The following DDX25 variants were observed in gnomAD, a reference collection of about 807,000 sequenced individuals.
DDX25 encodes ATP-dependent RNA helicase DDX25.
A neutral mutation model predicts 64.6 loss-of-function variants in DDX25; 70 were observed. That is an observed-to-expected ratio of 1.08 (90% confidence interval 0.89 to 1.32). DDX25 has a LOEUF of 1.32. Ranked by LOEUF, DDX25 falls within the 40% of genes most tolerant of loss-of-function variation. DDX25 has a pLI of 0.00. For synonymous variants in DDX25, 211 were observed against 213.3 expected (o/e 0.99, Z 0.09); for missense variants, 587 against 604.4 (o/e 0.97, Z 0.30).
chr11:125,905,973 A>C, intron 3 of DDX25, 101 bp from the exon 4 acceptor site: 1 of 1,375,524 alleles, frequency 7.3e-7, no homozygotes, highest in Non-Finnish European at 9.6e-7. Context: ...AAATGAGCGT[A>C]GGTGCAATTG....
At chr11:125,905,064 G>T in intron 1 of DDX25, 148 bp from the exon 2 acceptor site, 1 of 691,842 alleles carries the variant, frequency 1.4e-6, no homozygotes, top group East Asian at 2.8e-5. Context: ...ACCCAACCTT[G>T]AAAGGAATCT....
rs1388225105 is a variant in DDX25, at chr11:125,920,907, CACACACACACAT to C, written c.1202-272_1202-261del. On this transcript the variant is annotated intron_variant, in intron 10 of 11. Transcript: ENST00000263576. Reference sequence around the variant, plus strand: ...GGGCTTGGTGAGGGCACCTCTCCACCACACACACACATACACACACACACACACACACACACA... The same window carrying C: ...GGGCTTGGTGAGGGCACCTCTCCACCACACACACACACACACACACACACA... The C allele has an allele frequency of 2.6e-3, 650 of 246,464 alleles. 3 individuals are homozygous for C. Among genetic ancestry groups the C allele is most frequent in the African/African-American group, 0.016 (592 of 35,882 alleles). The allele number at this position is 246,464 out of a possible 1,614,324, so 15.3% of individuals were successfully genotyped here.
chr11:125,921,125 G>A lies in DDX25; in HGVS notation c.1202-66G>A. ...AAATAGGAATTCCCTTGGCAGACGT[G>A]GTACTTGAATGGCCCGTGTACTGAG... is the stretch of plus-strand genomic sequence containing the variant. On this transcript the variant is annotated intron_variant, in intron 10 of 11. Transcript: ENST00000263576. The surrounding 1 kb of genome is among the most constrained non-coding windows in gnomAD (Gnocchi z 4.1). 1.5e-5 allele frequency: 21 copies of A among 1,436,116 alleles called. No individual in the cohort carries two copies. The highest frequency in any genetic ancestry group is 1.9e-5 in the Non-Finnish European group (20 of 1,075,096). 89.0% of individuals were successfully genotyped at this position (1,436,116 alleles called of 1,614,324 possible). A position where few individuals can be genotyped will look rare whatever the true frequency, so the allele number is the denominator to read the frequency against.
chr11:125,907,390 C>T (rs531402386), intron 4 of DDX25, among the ~76,000 whole-genome samples: 102 of 152,128 alleles, frequency 6.7e-4, no homozygotes, highest in East Asian at 2.5e-3. Flanking sequence ...GGGCGGATCA[C>T]GAGGTCAGGA....
rs1945114706 is a variant in DDX25, at chr11:125,921,446, G to A, written c.1390+67G>A. On this transcript the variant is annotated intron_variant, in intron 11 of 11. Transcript: ENST00000263576. This position sits in a 1 kb window ranked among gnomAD's most constrained non-coding sequence, Gnocchi z 4.1. ...GGTCTGACAGTGATGATGTGTGCTG[G>A]AGAGCTGGAGTCCAGGGGCTCATGA... The A allele has an allele frequency of 1.6e-5, 24 of 1,536,306 alleles. No homozygotes were observed. Among genetic ancestry groups the A allele is most frequent in the Non-Finnish European group, 1.9e-5 (22 of 1,138,334 alleles).
Position 125,925,433 on chromosome 11 carries a change from A to G in DDX25, c.*2552A>G, listed in dbSNP as rs1268187615. 8.8e-6 allele frequency: 4 copies of G among 456,156 alleles called. No homozygotes were observed. The highest frequency in any genetic ancestry group is 1.3e-5 in the Non-Finnish European group (3 of 226,980). The allele number at this position is 456,156 out of a possible 1,614,324, so 28.3% of individuals were successfully genotyped here. On this transcript the variant is annotated 3_prime_UTR_variant, in exon 12 of 12. Coordinates refer to ENST00000263576, the MANE Select transcript of DDX25 (RefSeq NM_013264.5). ...AACTGGCTAGTTTGGTGAGTCAACA[A>G]TCCAAAGGCTGTTTTTTGCAGGGTG...
chr11:125,921,036 C>A lies in DDX25; in HGVS notation c.1202-155C>A. 1.4e-6 allele frequency: 1 copy of A among 717,538 alleles called. No individual in the cohort carries two copies. Among genetic ancestry groups the A allele is most frequent in the Non-Finnish European group, 2.2e-6 (1 of 448,580 alleles). 44.4% of individuals were successfully genotyped at this position (717,538 alleles called of 1,614,324 possible). ...ATAGACATCACAGCATGCAAGCAAA[C>A]TTCCTAACCAAAGTACCTGTCTCAA... On this transcript the variant is annotated intron_variant, in intron 10 of 11. Coordinates refer to ENST00000263576, the MANE Select transcript of DDX25 (RefSeq NM_013264.5). This position sits in a 1 kb window ranked among gnomAD's most constrained non-coding sequence, Gnocchi z 4.1.
chr11:125,903,417 A>G (rs1372332882), upstream of DDX25: 1 of 159,320 alleles, frequency 6.3e-6, no homozygotes. Context: ...CTACGCTAAA[A>G]TAATAGAAAA....
intron 8 of DDX25, among the ~76,000 whole-genome samples, chr11:125,916,523 C>T (rs1945038948): frequency 6.6e-6 from 1 of 152,184 alleles, no homozygotes; most frequent in Non-Finnish European, 1.5e-5. Flanking sequence ...ACATTTCAGT[C>T]ACTGTACTTT....
At chr11:125,910,263 T>G (rs1944948672) in intron 6 of DDX25, 101 bp from the exon 7 acceptor site, 1 of 902,856 alleles carries the variant, frequency 1.1e-6, no homozygotes, top group Admixed American at 2.3e-5. Flanking sequence ...ACCTTCAATT[T>G]CCTTTCTGTG....
chr11:125,907,428 G>A (rs1944905096), intron 4 of DDX25, among the ~76,000 whole-genome samples: 1 of 151,836 alleles, frequency 6.6e-6, no homozygotes, highest in African/African-American at 2.4e-5. Flanking sequence ...CTAACACAGT[G>A]AAACCCCGTC....
At chr11:125,920,470 G>A (rs1945096253) in intron 10 of DDX25, among the ~76,000 whole-genome samples, 1 of 152,066 alleles carries the variant, frequency 6.6e-6, no homozygotes, top group African/African-American at 2.4e-5. Context: ...TGCAGGAAGG[G>A]TAGCAGTTCA....
At chr11:125,904,711 C>G (rs1004740133) in intron 1 of DDX25, 131 bp downstream of exon 1, 8 of 1,108,432 alleles carry the variant, frequency 7.2e-6, no homozygotes, top group Non-Finnish European at 1.0e-5. Flanking sequence ...AGGGGAGATG[C>G]GGGAAGGGTT....
chr11:125,908,240 G>A lies in DDX25; in HGVS notation c.356G>A (p.Arg119Lys), dbSNP rs559784018. The change falls in exon 5 of 12, where the codon AGG becomes AAG. Residue 119 changes from arginine (R) to lysine (K), a missense_variant. Physicochemically the swap from Arg to Lys is conservative, Grantham distance 26. Transcript: ENST00000263576. ...GGAATCTATGCAATGGGATTTAATA[G>A]GCCATCTAAAATCCAAGAGATGGCT... ...LKGIYAMGFN[R>K]PSKIQEMALP... 2.5e-6 allele frequency: 4 copies of A among 1,612,842 alleles called. No individual in the cohort carries two copies. Among genetic ancestry groups the A allele is most frequent in the East Asian group, 2.2e-5 (1 of 44,864 alleles).
At chr11:125,919,822 A>T (rs938578405) in intron 10 of DDX25, among the ~76,000 whole-genome samples, 10 of 152,204 alleles carry the variant, frequency 6.6e-5, no homozygotes, top group East Asian at 3.9e-4. Context: ...TTCTGCAGTG[A>T]TGGAAATGTT....
chr11:125,905,601 G>T lies in DDX25; in HGVS notation c.175+4G>T. The T allele has an allele frequency of 6.4e-7, 1 of 1,551,268 alleles. No homozygotes were observed. On this transcript the variant is annotated splice_donor_region_variant and intron_variant, in intron 3 of 11. Coordinates refer to ENST00000263576, the MANE Select transcript of DDX25 (RefSeq NM_013264.5). ...GAAGATGATGAAGAAGATGTAGGTA[G>T]GAGATGAATTCATTTGCATGTATCT...
chr11:125,922,706 T>A, intron 11 of DDX25, 114 bp from the exon 12 acceptor site: 1 of 932,780 alleles, frequency 1.1e-6, no homozygotes, highest in Non-Finnish European at 1.6e-6. Context: ...CTTCCTTATG[T>A]TCCTATACCA....
chr11:125,915,287 A>G (rs950419890), intron 8 of DDX25, among the ~76,000 whole-genome samples: 1 of 152,250 alleles, frequency 6.6e-6, no homozygotes, highest in African/African-American at 2.4e-5. Flanking sequence ...AGCCACATGT[A>G]TAATTTTAAA....
chr11:125,910,373 C>T lies in DDX25; in HGVS notation c.517C>T (p.Leu173=). ...ALELFPQCLC[L]APTYELALQT... ...TCTCTCTATCCCACAGTGCCTCTGC[C>T]TAGCTCCTACTTATGAATTGGCTCT... The change falls in exon 7 of 12, where the codon CTA becomes TTA. Residue 173 remains leucine, a synonymous_variant. Coordinates refer to ENST00000263576, the MANE Select transcript of DDX25 (RefSeq NM_013264.5). The T allele has an allele frequency of 6.2e-7, 1 of 1,613,908 alleles. No homozygotes were observed. Among genetic ancestry groups the T allele is most frequent in the Non-Finnish European group, 8.5e-7 (1 of 1,179,820 alleles).
Sources: gnomAD v4.1 joint callset for allele counts (sites outside exome capture counted in the v4.1 genomes callset) on GRCh38, gnomAD v4.1.1 for gene constraint, Gnocchi (gnomAD v3.1) non-coding constraint, MANE v1.5 for transcripts, NCBI Gene and HGNC (gene_info 2026-07-23, HGNC 2026-07-21) for gene names.